The following GSE1 variants were observed in gnomAD, a reference collection of about 807,000 sequenced individuals.
GSE1 encodes the protein genetic suppressor element 1.
A neutral mutation model predicts 112.6 loss-of-function variants in GSE1; 32 were observed. The observed-to-expected ratio is 0.28, with a 90% CI of 0.21 to 0.38. The LOEUF (loss-of-function observed/expected upper bound fraction) is 0.38. Ranked by LOEUF, GSE1 falls within the 10% of genes least tolerant of loss-of-function variation. GSE1 has a pLI of 1.00. For missense variants in GSE1, 2,348 were observed against 1,699.2 expected, an observed-to-expected ratio of 1.38 and a Z score of -6.71; for synonymous variants, 1,115 against 735.6, an observed-to-expected ratio of 1.52 and a Z score of -8.35.
At chr16:85,196,663 G>T (rs2074933630) in intron 1 of GSE1, among the ~76,000 whole-genome samples, 1 of 152,138 alleles carries the variant, frequency 6.6e-6, no homozygotes, top group African/African-American at 2.4e-5. Context: ...AGCCAGACCT[G>T]CCCTGACCTT....
chr16:85,209,529 CATCGCT>C (rs1185081347), intron 1 of GSE1, among the ~76,000 whole-genome samples: 1 of 152,188 alleles, frequency 6.6e-6, no homozygotes, highest in Admixed American at 6.5e-5. Flanking sequence ...CCCCCATCAC[CATCGCT>C]GCCCCACATT....
chr16:85,328,699 A>G (rs1156805164), intron 1 of GSE1, among the ~76,000 whole-genome samples: 1 of 152,098 alleles, frequency 6.6e-6, no homozygotes, highest in Non-Finnish European at 1.5e-5. Context: ...GAGAGAGACA[A>G]CGGGGCTGGG....
At chr16:85,198,690 C>T (rs1444262921) in intron 1 of GSE1, among the ~76,000 whole-genome samples, 1 of 152,172 alleles carries the variant, frequency 6.6e-6, no homozygotes, top group Non-Finnish European at 1.5e-5. Context: ...TTCCGCCCTA[C>T]ACTGCAGAGA....
intron 2 of GSE1, among the ~76,000 whole-genome samples, chr16:85,407,387 G>A (rs1214073583): frequency 5.0e-5 from 1 of 19,890 alleles, no homozygotes; most frequent in Non-Finnish European, 7.8e-5. Flanking sequence ...AATCCTCACT[G>A]TTACACTCAG....
intron 1 of GSE1, among the ~76,000 whole-genome samples, chr16:85,567,639 G>C (rs975500312): frequency 6.6e-6 from 1 of 152,262 alleles, no homozygotes; most frequent in Admixed American, 6.5e-5. Context: ...TAGCCTCGGA[G>C]GGAAGGCTGT....
At chr16:85,259,567 C>A (rs925793238) in intron 1 of GSE1, among the ~76,000 whole-genome samples, 5 of 152,248 alleles carry the variant, frequency 3.3e-5, no homozygotes, top group African/African-American at 1.2e-4. Context: ...CTGCACAGAG[C>A]TGCCCAGGGC....
At chr16:85,541,989 G>A (rs954976247) in intron 2 of GSE1, among the ~76,000 whole-genome samples, 1 of 152,210 alleles carries the variant, frequency 6.6e-6, no homozygotes. Context: ...CCTCGGGGTA[G>A]AGAAGGCAGT....
At chr16:85,293,048 C>A (rs540882485) in intron 1 of GSE1, among the ~76,000 whole-genome samples, 30 of 152,294 alleles carry the variant, frequency 2.0e-4, no homozygotes, top group African/African-American at 7.2e-4. Flanking sequence ...TCACCACCGC[C>A]ACCGTGTTGC....
At chr16:85,172,359 T>TG (rs2143138821) in intron 1 of GSE1, among the ~76,000 whole-genome samples, 1 of 152,252 alleles carries the variant, frequency 6.6e-6, no homozygotes, top group East Asian at 1.9e-4. Context: ...GTTCCAGACA[T>TG]GGGGGTGTGG....
Position 85,656,400 on chromosome 16 carries a change from TGAGCGTGAGGCTGACCGCGAGCGG to T in GSE1, c.1051_1074del (p.Arg351_Glu358del), listed in dbSNP as rs750981521. The T allele has an allele frequency of 2.8e-6, 4 of 1,450,952 alleles. No individual in the cohort carries two copies. The highest frequency in any genetic ancestry group is 1.2e-5 in the South Asian group (1 of 85,410). 89.9% of individuals were successfully genotyped at this position (1,450,952 alleles called of 1,614,324 possible). ...GGGAGCGCGAGCGCGAGCGCGAGCG[TGAGCGTGAGGCTGACCGCGAGCGG>T]GAGAAGGAACGTGAGCGCGAACGCG... On this transcript the variant is annotated inframe_deletion, in exon 7 of 16. Transcript: ENST00000253458.
intron 2 of GSE1, among the ~76,000 whole-genome samples, chr16:85,485,746 G>A (rs970733626): frequency 9.2e-5 from 14 of 152,222 alleles, no homozygotes; most frequent in East Asian, 5.8e-4. Context: ...TAATTGGGCC[G>A]CCTCGCTCCT....
chr16:85,264,787 T>C (rs1194421633), intron 1 of GSE1, among the ~76,000 whole-genome samples: 2 of 152,104 alleles, frequency 1.3e-5, no homozygotes, highest in African/African-American at 4.8e-5. Flanking sequence ...AGACCCCTGG[T>C]GTCAGGTGTG....
chr16:85,412,988 A>G (rs1302671669), intron 2 of GSE1, among the ~76,000 whole-genome samples: 1 of 152,158 alleles, frequency 6.6e-6, no homozygotes, highest in Non-Finnish European at 1.5e-5. Context: ...GGTGCAGGTT[A>G]TAATGCTGAG....
chr16:85,482,653 G>A (rs899749234), intron 2 of GSE1, among the ~76,000 whole-genome samples: 2 of 152,182 alleles, frequency 1.3e-5, no homozygotes, highest in South Asian at 2.1e-4. Flanking sequence ...AGGCACCCCC[G>A]TCTGCAAATC....
At chr16:85,651,260 G>A (rs1236279086) in intron 3 of GSE1, among the ~76,000 whole-genome samples, 1 of 151,922 alleles carries the variant, frequency 6.6e-6, no homozygotes, top group East Asian at 1.9e-4. Context: ...GCCTTGCCTG[G>A]ATGGGGGGCA....
chr16:85,411,513 G>A (rs1294863311), intron 2 of GSE1, among the ~76,000 whole-genome samples: 1 of 32,682 alleles, frequency 3.1e-5, no homozygotes, highest in Non-Finnish European at 5.9e-5. Flanking sequence ...CAGGCCCCCC[G>A]GATAATCCTC....
chr16:85,462,630 G>T (rs1258921915), intron 2 of GSE1, among the ~76,000 whole-genome samples: 1 of 139,928 alleles, frequency 7.1e-6, no homozygotes, highest in Non-Finnish European at 1.5e-5. Flanking sequence ...TGACAAGCGC[G>T]TTATCAAGTG....
At chr16:85,426,247 ATGGATGGATGAG>A (rs1185140039) in intron 2 of GSE1, among the ~76,000 whole-genome samples, 1 of 135,980 alleles carries the variant, frequency 7.4e-6, no homozygotes, top group African/African-American at 2.8e-5. Context: ...ATGAATGTGG[ATGGATGGATGAG>A]TGAATGGATG....
At chr16:85,374,365 A>G (rs1401187192) in intron 2 of GSE1, among the ~76,000 whole-genome samples, 1 of 144,674 alleles carries the variant, frequency 6.9e-6, no homozygotes, top group African/African-American at 2.6e-5. Flanking sequence ...CTCGGTGTGC[A>G]GTGTGTGTCA....
Sources: gnomAD v4.1 joint callset for allele counts (sites outside exome capture counted in the v4.1 genomes callset) on GRCh38, gnomAD v4.1.1 for gene constraint, MANE v1.5 for transcripts, NCBI Gene and HGNC (gene_info 2026-07-23, HGNC 2026-07-21) for gene names.